The following PCDHB14 variants were observed in gnomAD, a reference collection of about 807,000 sequenced individuals.
PCDHB14 encodes the protein protocadherin beta-14.
For missense variants in PCDHB14, 1,129 were observed against 1,000.5 expected (o/e 1.13, Z -1.73); for synonymous variants, 511 against 441.5 (o/e 1.16, Z -1.97).
chr5:141,223,560 G>A lies in PCDHB14; in HGVS notation c.55G>A (p.Val19Ile). 6.2e-7 allele frequency: 1 copy of A among 1,614,116 alleles called. No individual in the cohort carries two copies. Among genetic ancestry groups the A allele is most frequent in the Non-Finnish European group, 8.5e-7 (1 of 1,180,014 alleles). ...AAAAAGGCAAGTTCTAATATTCCTT[G>A]TTTTGCTGGGATTGTCTCGGGCAGG... The part of the protein sequence containing the change: ...LRKRQVLIFL[V>I]LLGLSRAGTE... The change falls in exon 1 of 1, where the codon GTT (valine) becomes ATT (isoleucine). Residue 19 changes from valine (V) to isoleucine (I), a missense_variant. Transcript: ENST00000239449.
In PCDHB14 at chr5:141,225,964, A is replaced by G; in HGVS notation, c.*62A>G. The G allele has an allele frequency of 3.5e-6, 5 of 1,438,472 alleles. No individual in the cohort carries two copies. The highest frequency in any genetic ancestry group is 4.8e-6 in the Non-Finnish European group (5 of 1,049,652). The allele number at this position is 1,438,472 out of a possible 1,614,324, so 89.1% of individuals were successfully genotyped here. ...TTGGCAAGCTGATGGTACTTTTTGC[A>G]TAATCTTTTGTGGATTCTTGGTTGT... On this transcript the variant is annotated 3_prime_UTR_variant, in exon 1 of 1. Coordinates refer to ENST00000239449, the MANE Select transcript of PCDHB14 (RefSeq NM_018934.4).
Position 141,227,252 on chromosome 5 carries a change from C to G in PCDHB14, c.*1350C>G, listed in dbSNP as rs570935921. The stretch of plus-strand genomic sequence containing the variant: ...AGCCTTCCATCAGATGAGTACAAAG[C>G]AAGAACTTCATAAGAAATTGAAATG... On this transcript the variant is annotated 3_prime_UTR_variant, in exon 1 of 1. Transcript: ENST00000239449. 16 of 152,152 alleles carry G rather than the reference C, an allele frequency of 1.1e-4. No individual in the cohort carries two copies. Among genetic ancestry groups the G allele is most frequent in the Non-Finnish European group, 2.2e-4 (15 of 68,022 alleles). 9.4% of individuals were successfully genotyped at this position (152,152 alleles called of 1,614,324 possible).
rs782145711 is a variant in PCDHB14 at position 141,224,739 on chromosome 5, G to C, written c.1234G>C (p.Glu412Gln). The stretch of plus-strand genomic sequence containing the variant: ...AGTTTCTGAAAAAGCACTGGACAGA[G>C]AGAGCCAAGCCGAGTACAACATCAC... ...TLVSEKALDR[E>Q]SQAEYNITIT... The change falls in exon 1 of 1, where the codon GAG becomes CAG. Residue 412 changes from glutamate to glutamine, a missense_variant. Coordinates refer to ENST00000239449, the MANE Select transcript of PCDHB14 (RefSeq NM_018934.4). 4 of 1,614,064 alleles carry C rather than the reference G, an allele frequency of 2.5e-6. No homozygotes were observed. The highest frequency in any genetic ancestry group is 3.4e-6 in the Non-Finnish European group (4 of 1,180,042).
chr5:141,223,970 G>A lies in PCDHB14; in HGVS notation c.465G>A (p.Glu155=), dbSNP rs1754774319. Residue 155 remains glutamate, a synonymous_variant, in exon 1 of 1, where the codon GAG becomes GAA. Transcript: ENST00000239449. Reference sequence around the variant, plus strand: ...CTGTTGGAGCTACCTTTCTAATGGAGAGTGCTCAAGATTTGGATGTCGGAA... The same window carrying A: ...CTGTTGGAGCTACCTTTCTAATGGAAAGTGCTCAAGATTTGGATGTCGGAA... ...GTTVGATFLM[E]SAQDLDVGSN... 1 of 1,613,814 alleles carries A rather than the reference G, an allele frequency of 6.2e-7. No individual in the cohort carries two copies. Among genetic ancestry groups the A allele is most frequent in the Non-Finnish European group, 8.5e-7 (1 of 1,179,916 alleles).
At position 141,223,513 on chromosome 5, in the gene PCDHB14, T is replaced by C; in HGVS notation, c.8T>C (p.Ile3Thr). The C allele has an allele frequency of 6.2e-7, 1 of 1,607,144 alleles. No homozygotes were observed. The highest frequency in any genetic ancestry group is 8.5e-7 in the Non-Finnish European group (1 of 1,175,786). The change falls in exon 1 of 1, where the codon ATC (isoleucine) becomes ACC (threonine). Residue 3 changes from isoleucine to threonine, a missense_variant. Ile to Thr is a moderately conservative substitution (Grantham distance 89, BLOSUM62 -1). Coordinates refer to ENST00000239449, the MANE Select transcript of PCDHB14 (RefSeq NM_018934.4). ...AGATTGCCTAAAGGAACCATGGAGA[T>C]CAGAGGGGCACTCGATCTGCGAAAA... ME[I>T]RGALDLRKRQ...
In PCDHB14 at chr5:141,223,371, G is replaced by A; in HGVS notation, c.-135G>A. ...AAGCATCCAACCCACTGAAAAGACAGGCATTAAAGGAGCTTCGCCTACAGA... is the reference window on the plus strand; with the variant it reads ...AAGCATCCAACCCACTGAAAAGACAAGCATTAAAGGAGCTTCGCCTACAGA... On this transcript the variant is annotated 5_prime_UTR_variant, in exon 1 of 1. Transcript: ENST00000239449. 1.5e-6 allele frequency: 1 copy of A among 649,502 alleles called. No homozygotes were observed. The highest frequency in any genetic ancestry group is 2.7e-6 in the Non-Finnish European group (1 of 371,278). The allele number at this position is 649,502 out of a possible 1,614,324, so 40.2% of individuals were successfully genotyped here. A position where few individuals can be genotyped will look rare whatever the true frequency, so the allele number is the denominator to read the frequency against.
chr5:141,225,774 G>A lies in PCDHB14; in HGVS notation c.2269G>A (p.Gly757Arg). The change falls in exon 1 of 1, where the codon GGA becomes AGA. Residue 757 changes from glycine (G) to arginine (R), a missense_variant. Coordinates refer to ENST00000239449, the MANE Select transcript of PCDHB14 (RefSeq NM_018934.4). ...CTACCAATACGAGGTGTGTCTGACA[G>A]GAGGTTCCGGGACAAATGAGTTCAA... ...QSYQYEVCLT[G>R]GSGTNEFKFL... The A allele has an allele frequency of 6.2e-7, 1 of 1,614,258 alleles. No individual in the cohort carries two copies. The highest frequency in any genetic ancestry group is 8.5e-7 in the Non-Finnish European group (1 of 1,180,056).
At position 141,223,846 on chromosome 5, in the gene PCDHB14, T is replaced by C; in HGVS notation, c.341T>C (p.Leu114Ser). The C allele has an allele frequency of 6.2e-7, 1 of 1,613,460 alleles. No homozygotes were observed. The highest frequency in any genetic ancestry group is 8.5e-7 in the Non-Finnish European group (1 of 1,179,788). The change falls in exon 1 of 1, where the codon TTA (leucine) becomes TCA (serine). Residue 114 changes from leucine (L) to serine (S), a missense_variant. Physicochemically the swap from Leu to Ser is moderately radical, Grantham distance 145. Coordinates refer to ENST00000239449, the MANE Select transcript of PCDHB14 (RefSeq NM_018934.4). ...TTTCAGGTGGTTTTGGAAAACCCTT[T>C]ACAGTTTTTTCGGTTTGAGCTGTGT... ...LHFQVVLENP[L>S]QFFRFELCVK...
rs782086283 is a variant in PCDHB14 at position 141,225,848 on chromosome 5, G to A, written c.2343G>A (p.Arg781=). The change falls in exon 1 of 1, where the codon AGG becomes AGA. Residue 781 remains arginine (R), a synonymous_variant. Coordinates refer to ENST00000239449, the MANE Select transcript of PCDHB14 (RefSeq NM_018934.4). ...IPNFQVHDTG[R]NMGEIENFRN... is the part of the protein sequence containing the mutation. ...ATTTTCAAGTTCATGACACTGGTAG[G>A]AATATGGGGGAAATCGAGAACTTTC... 18 of 1,614,020 alleles carry A rather than the reference G, an allele frequency of 1.1e-5. No individual in the cohort carries two copies. The highest frequency in any genetic ancestry group is 7.6e-6 in the Non-Finnish European group (9 of 1,180,032).
At position 141,223,412 on chromosome 5, in the gene PCDHB14, A is replaced by C; in HGVS notation, c.-94A>C. On this transcript the variant is annotated 5_prime_UTR_variant, in exon 1 of 1. Coordinates refer to ENST00000239449, the MANE Select transcript of PCDHB14 (RefSeq NM_018934.4). ...CGCCTACAGAGCTGCTGGAGGATAC[A>C]CTCTCCAGGGGGTTCCTGTTAAAAA... 1 of 875,872 alleles carries C rather than the reference A, an allele frequency of 1.1e-6. No homozygotes were observed. Among genetic ancestry groups the C allele is most frequent in the Non-Finnish European group, 1.8e-6 (1 of 551,662 alleles). 54.3% of individuals were successfully genotyped at this position (875,872 alleles called of 1,614,324 possible). A position where few individuals can be genotyped will look rare whatever the true frequency, so the allele number is the denominator to read the frequency against.
In PCDHB14 at chr5:141,223,872, G is replaced by T. The variant is rs1462920171; in HGVS notation, c.367G>T (p.Val123Phe). Residue 123 changes from valine to phenylalanine, a missense_variant, in exon 1 of 1, where the codon GTC becomes TTC. By Grantham distance (50) the Val-to-Phe change is conservative (BLOSUM62 -1). Coordinates refer to ENST00000239449, the MANE Select transcript of PCDHB14 (RefSeq NM_018934.4). ...PLQFFRFELC[V>F]KDINDHSPTF... The stretch of plus-strand genomic sequence containing the variant: ...ACAGTTTTTTCGGTTTGAGCTGTGT[G>T]TCAAAGACATAAATGATCACTCCCC... The T allele has an allele frequency of 5.6e-6, 9 of 1,613,114 alleles. No homozygotes were observed. Among genetic ancestry groups the T allele is most frequent in the Non-Finnish European group, 5.9e-6 (7 of 1,179,764 alleles).
Position 141,226,019 on chromosome 5 carries a change from T to C in PCDHB14, c.*117T>C. 1.1e-6 allele frequency: 1 copy of C among 897,142 alleles called. No individual in the cohort carries two copies. Among genetic ancestry groups the C allele is most frequent in the Non-Finnish European group, 1.7e-6 (1 of 594,280 alleles). 55.6% of individuals were successfully genotyped at this position (897,142 alleles called of 1,614,324 possible). A position where few individuals can be genotyped will look rare whatever the true frequency, so the allele number is the denominator to read the frequency against. Reference sequence around the variant, plus strand: ...TAGTTGCATGCATGATTATAGCTCTTGTTTTTCTCACAGTTTCTTTAAAAA... The same window carrying C: ...TAGTTGCATGCATGATTATAGCTCTCGTTTTTCTCACAGTTTCTTTAAAAA... On this transcript the variant is annotated 3_prime_UTR_variant, in exon 1 of 1. Coordinates refer to ENST00000239449, the MANE Select transcript of PCDHB14 (RefSeq NM_018934.4).
At position 141,224,023 on chromosome 5, in the gene PCDHB14, G is replaced by A. The variant is rs1322740446; in HGVS notation, c.518G>A (p.Ser173Asn). The change falls in exon 1 of 1, where the codon AGC (serine) becomes AAC (asparagine). Residue 173 changes from serine (S) to asparagine (N), a missense_variant. Ser to Asn is a conservative substitution (Grantham distance 46). Coordinates refer to ENST00000239449, the MANE Select transcript of PCDHB14 (RefSeq NM_018934.4). ...GSNSLQNYTI[S>N]PNSHFYIKIP... ...AACAGTCTCCAAAACTACACAATTA[G>A]CCCCAATTCTCACTTCTACATTAAA... 6.2e-7 allele frequency: 1 copy of A among 1,613,614 alleles called. No individual in the cohort carries two copies. The highest frequency in any genetic ancestry group is 1.3e-5 in the African/African-American group (1 of 74,976).
Position 141,225,964 on chromosome 5 carries a change from A to T in PCDHB14, c.*62A>T, listed in dbSNP as rs1164513127. 5.6e-5 allele frequency: 80 copies of T among 1,438,354 alleles called. No individual in the cohort carries two copies. Among genetic ancestry groups the T allele is most frequent in the Non-Finnish European group, 5.6e-5 (59 of 1,049,660 alleles). 89.1% of individuals were successfully genotyped at this position (1,438,354 alleles called of 1,614,324 possible). On this transcript the variant is annotated 3_prime_UTR_variant, in exon 1 of 1. Transcript: ENST00000239449. ...TTGGCAAGCTGATGGTACTTTTTGC[A>T]TAATCTTTTGTGGATTCTTGGTTGT... is the stretch of plus-strand genomic sequence containing the variant.
chr5:141,225,268 A>C lies in PCDHB14; in HGVS notation c.1763A>C (p.Lys588Thr). Residue 588 changes from lysine to threonine, a missense_variant, in exon 1 of 1, where the codon AAG becomes ACG. Transcript: ENST00000239449. ...GCCGAGCCGGGCTACCTGGTGACCA[A>C]GGTGGTGGCGGTGGACGGCGACTCG... ...RAAEPGYLVT[K>T]VVAVDGDSGQ... The C allele has an allele frequency of 6.3e-7, 1 of 1,598,674 alleles. No homozygotes were observed. Among genetic ancestry groups the C allele is most frequent in the South Asian group, 1.1e-5 (1 of 90,700 alleles).
rs1349707228 is a variant in PCDHB14, at chr5:141,225,459, C to T, written c.1954C>T (p.Arg652Cys). ...VLVKDNGEPP[R>C]SATATLHVLL... ...GGTCAAGGACAATGGCGAGCCTCCT[C>T]GCTCGGCCACCGCCACGCTGCACGT... The change falls in exon 1 of 1, where the codon CGC becomes TGC. Residue 652 changes from arginine (R) to cysteine (C), a missense_variant. Physicochemically the swap from Arg to Cys is radical, Grantham distance 180. Coordinates refer to ENST00000239449, the MANE Select transcript of PCDHB14 (RefSeq NM_018934.4). The T allele has an allele frequency of 1.4e-5, 22 of 1,602,924 alleles. No individual in the cohort carries two copies. The highest frequency in any genetic ancestry group is 2.2e-5 in the South Asian group (2 of 90,934).
chr5:141,227,436 T>C lies in PCDHB14; in HGVS notation c.*1534T>C, dbSNP rs1367892553. On this transcript the variant is annotated 3_prime_UTR_variant, in exon 1 of 1. Transcript: ENST00000239449. ...ATAGTTGCCTCATCATGTAACATATTATATCTCAGCTCTAAAAGAAAGTTC... is the reference window on the plus strand; with the variant it reads ...ATAGTTGCCTCATCATGTAACATATCATATCTCAGCTCTAAAAGAAAGTTC... 1.3e-5 allele frequency: 2 copies of C among 152,174 alleles called. No individual in the cohort carries two copies. Among genetic ancestry groups the C allele is most frequent in the South Asian group, 2.1e-4 (1 of 4,828 alleles). The allele number at this position is 152,174 out of a possible 1,614,324, so 9.4% of individuals were successfully genotyped here. A position where few individuals can be genotyped will look rare whatever the true frequency, so the allele number is the denominator to read the frequency against.
Position 141,225,013 on chromosome 5 carries a change from T to A in PCDHB14, c.1508T>A (p.Leu503Ter). Residue 503 changes from leucine to a stop codon, truncating the protein, a stop_gained, in exon 1 of 1, where the codon TTG becomes TAG. Coordinates refer to ENST00000239449, the MANE Select transcript of PCDHB14 (RefSeq NM_018934.4). LOFTEE classifies it low-confidence loss of function (END_TRUNC). ...PQDRHLPLAS[L>*]VSINADNGHL... ...GACCGGCACCTGCCCCTCGCCTCCT[T>A]GGTCTCCATCAACGCGGACAATGGC... 1 of 1,612,620 alleles carries A rather than the reference T, an allele frequency of 6.2e-7. No homozygotes were observed. Among genetic ancestry groups the A allele is most frequent in the Non-Finnish European group, 8.5e-7 (1 of 1,180,022 alleles).
Position 141,223,798 on chromosome 5 carries a change from C to A in PCDHB14, c.293C>A (p.Ser98Tyr), listed in dbSNP as rs143983419. ...CTAGACCGAGACGAGCTGTGTGGCT[C>A]CACCGAGCCCTGTGTGCTGCATTTT... ...EKLDRDELCG[S>Y]TEPCVLHFQV... is the part of the protein sequence containing the mutation. The change falls in exon 1 of 1, where the codon TCC becomes TAC. Residue 98 changes from serine to tyrosine, a missense_variant. Ser to Tyr is a moderately radical substitution (Grantham distance 144). Coordinates refer to ENST00000239449, the MANE Select transcript of PCDHB14 (RefSeq NM_018934.4). The A allele has an allele frequency of 5.4e-5, 87 of 1,614,010 alleles. No homozygotes were observed. In the East Asian group the frequency reaches 1.5e-3, roughly 29 times the overall value.
Sources: allele counts gnomAD v4.1 joint callset, GRCh38; gene constraint gnomAD v4.1.1; transcripts MANE v1.5; gene names NCBI Gene and HGNC (gene_info 2026-07-23, HGNC 2026-07-21).